KTN1: variants seen among roughly 807,000 people sequenced by gnomAD.
KTN1 encodes the protein kinectin.
In KTN1, 130 loss-of-function variants were observed where a neutral mutation model predicts 222.5. That is an observed-to-expected ratio of 0.58 (90% CI 0.51 to 0.68). KTN1 has a LOEUF of 0.68. Ranked by LOEUF, KTN1 falls within the 30% of genes least tolerant of loss-of-function variation. The pLI is 0.00. For missense variants in KTN1, 1,508 were observed against 1,500.4 expected (o/e 1.01, Z -0.08); for synonymous variants, 512 against 496.3 (o/e 1.03, Z -0.42).
intron 7 of KTN1, 122 bp from the exon 8 acceptor site, chr14:55,633,110 GAGA>G (rs2040721535): frequency 4.3e-6 from 2 of 467,600 alleles, no homozygotes; most frequent in East Asian, 3.5e-5. Context: ...ATATTTATTT[GAGA>G]AGAATGATTC....
chr14:55,608,516 T>G (rs1023352580), intron 1 of KTN1, among the ~76,000 whole-genome samples: 1 of 152,212 alleles, frequency 6.6e-6, no homozygotes, highest in Admixed American at 6.5e-5. Flanking sequence ...TAACAAAGTT[T>G]TAGTGTTCAT....
intron 32 of KTN1, 177 bp from the exon 33 acceptor site, chr14:55,663,778 T>A: frequency 1.9e-6 from 1 of 532,562 alleles, no homozygotes; most frequent in Middle Eastern, 5.0e-4. Flanking sequence ...CGTCTTTATT[T>A]TCTCATTCAA....
chr14:55,609,078 T>TTTA (rs2037170041), intron 1 of KTN1, among the ~76,000 whole-genome samples: 1 of 151,496 alleles, frequency 6.6e-6, no homozygotes, highest in Admixed American at 6.6e-5. Context: ...AACGTGCAGG[T>TTTA]TTATTACATA....
In KTN1 at chr14:55,636,436, T is replaced by C. The variant is rs755884816; in HGVS notation, c.1462-13T>C. ...TGTGCTAATTTATCCTTTCTCCCTT[T>C]TAAAATACCAAGGTTCAACTACAAG... On this transcript the variant is annotated splice_polypyrimidine_tract_variant and intron_variant, in intron 9 of 43. Coordinates refer to ENST00000395314, the MANE Select transcript of KTN1 (RefSeq NM_001079521.2). 1 of 1,595,428 alleles carries C rather than the reference T, an allele frequency of 6.3e-7. No homozygotes were observed. Among genetic ancestry groups the C allele is most frequent in the South Asian group, 1.1e-5 (1 of 88,644 alleles).
Position 55,640,941 on chromosome 14 carries a change from T to A in KTN1, c.1992T>A (p.Ala664=), listed in dbSNP as rs1379189488. 6.8e-6 allele frequency: 11 copies of A among 1,612,260 alleles called. 1 individual carries two copies. In the Middle Eastern group the frequency reaches 6.7e-4, roughly 98 times the overall value. Residue 664 remains alanine (A), a synonymous_variant, in exon 16 of 44, where the codon GCT becomes GCA. Coordinates refer to ENST00000395314, the MANE Select transcript of KTN1 (RefSeq NM_001079521.2). ...LQALANEQAA[A]AHELEKMQQS... is the part of the protein sequence containing the mutation. ...TCTCATTCCACACACAGGCTGCTGCTGCACATGAATTGGAGAAGATGCAAC... is the reference window on the plus strand; with the variant it reads ...TCTCATTCCACACACAGGCTGCTGCAGCACATGAATTGGAGAAGATGCAAC...
chr14:55,679,673 T>G lies in KTN1; in HGVS notation c.4057T>G (p.Tyr1353Asp). ...ACAGCTCACAAAGGAGAAAGAGCACTACCAGGTGTTAGGTAAGGACAACTG... is the reference window on the plus strand; with the variant it reads ...ACAGCTCACAAAGGAGAAAGAGCACGACCAGGTGTTAGGTAAGGACAACTG... ...NQQLTKEKEHYQVLE is the reference protein window; with the variant it reads ...NQQLTKEKEHDQVLE The change falls in exon 43 of 44, where the codon TAC (tyrosine) becomes GAC (aspartate). Residue 1353 changes from tyrosine to aspartate, a missense_variant. By Grantham distance (160) the Tyr-to-Asp change is radical. Coordinates refer to ENST00000395314, the MANE Select transcript of KTN1 (RefSeq NM_001079521.2). 1 of 1,613,898 alleles carries G rather than the reference T, an allele frequency of 6.2e-7. No individual in the cohort carries two copies. The highest frequency in any genetic ancestry group is 8.5e-7 in the Non-Finnish European group (1 of 1,179,846).
Position 55,619,200 on chromosome 14 carries a change from TTAAAG to T in KTN1, c.852_856del (p.Phe284LeufsTer13). 1 of 1,606,996 alleles carries T rather than the reference TTAAAG, an allele frequency of 6.2e-7. No individual in the cohort carries two copies. Among genetic ancestry groups the T allele is most frequent in the Non-Finnish European group, 8.5e-7 (1 of 1,174,822 alleles). ...AATTAAGAAAATGCTGAAGTGAAGT[TTAAAG>T]ATTTTCTTCTGTCCTTGAAGACTAT... On this transcript the variant is annotated frameshift_variant, in exon 5 of 44. Coordinates refer to ENST00000395314, the MANE Select transcript of KTN1 (RefSeq NM_001079521.2). LOFTEE classifies it high-confidence loss of function.
intron 29 of KTN1, 32 bp downstream of exon 29, chr14:55,656,164 G>A (rs1441337064): frequency 1.4e-6 from 2 of 1,389,394 alleles, no homozygotes; most frequent in Admixed American, 1.9e-5. Context: ...TAATTATTTT[G>A]TAAATTATTG....
At position 55,658,612 on chromosome 14, in the gene KTN1, C is replaced by G; in HGVS notation, c.2959C>G (p.Gln987Glu). The change falls in exon 30 of 44, where the codon CAG becomes GAG. Residue 987 changes from glutamine (Q) to glutamate (E), a missense_variant and splice_region_variant. By Grantham distance (29) the Gln-to-Glu change is conservative. Transcript: ENST00000395314. The stretch of plus-strand genomic sequence containing the variant: ...GCAGCTTAAACAACAAAACTACCAA[C>G]AGGTAGGTATTATTAGATGTCTTGC... ...IEQLKQQNYQ[Q>E]ASSFPPHEEL... 2 of 1,596,842 alleles carry G rather than the reference C, an allele frequency of 1.3e-6. No individual in the cohort carries two copies. Among genetic ancestry groups the G allele is most frequent in the South Asian group, 2.2e-5 (2 of 89,724 alleles).
At chr14:55,608,062 T>C (rs2037002070) in intron 1 of KTN1, among the ~76,000 whole-genome samples, 1 of 152,226 alleles carries the variant, frequency 6.6e-6, no homozygotes, top group Admixed American at 6.5e-5. Context: ...TACTGTGGAC[T>C]TAGAAAATTT....
At chr14:55,610,345 T>C (rs1230722307) in intron 1 of KTN1, among the ~76,000 whole-genome samples, 1 of 151,178 alleles carries the variant, frequency 6.6e-6, no homozygotes, top group African/African-American at 2.4e-5. Flanking sequence ...GTATTTTCAG[T>C]AACAATTGGT....
chr14:55,647,199 A>C (rs17684916), intron 19 of KTN1, among the ~76,000 whole-genome samples, 192 bp downstream of exon 19: 51,191 of 152,024 alleles, frequency 0.34, 8,643 homozygotes, highest in South Asian at 0.38. Flanking sequence ...AGCATATAAG[A>C]ATGAATTACT....
intron 4 of KTN1, 49 bp from the exon 5 acceptor site, chr14:55,619,133 G>A: frequency 6.8e-7 from 1 of 1,474,750 alleles, no homozygotes; most frequent in East Asian, 2.3e-5. Flanking sequence ...GTTATTATTT[G>A]TGTTTTTTAA....
At chr14:55,679,535 A>T in intron 42 of KTN1, 30 bp from the exon 43 acceptor site, 1 of 1,573,166 alleles carries the variant, frequency 6.4e-7, no homozygotes, top group Non-Finnish European at 8.7e-7. Flanking sequence ...TTGTGTATGG[A>T]GTTTATCATC....
At chr14:55,637,102 G>C in intron 10 of KTN1, 96 bp from the exon 11 acceptor site, 1 of 838,726 alleles carries the variant, frequency 1.2e-6, no homozygotes, top group South Asian at 2.2e-5. Flanking sequence ...GAGATTCAAA[G>C]AAGGTTTTCT....
At chr14:55,608,284 A>G (rs1418546429) in intron 1 of KTN1, among the ~76,000 whole-genome samples, 1 of 151,984 alleles carries the variant, frequency 6.6e-6, no homozygotes, top group Non-Finnish European at 1.5e-5. Flanking sequence ...AGGTATATTT[A>G]TTGGTATTGT....
intron 18 of KTN1, chr14:55,644,470 G>A: frequency 2.9e-6 from 2 of 695,270 alleles, no homozygotes; most frequent in South Asian, 3.0e-5. Context: ...ATACCCTAAA[G>A]GAGGGAAGGC....
intron 2 of KTN1, among the ~76,000 whole-genome samples, chr14:55,612,803 A>G (rs2140632120): frequency 6.6e-6 from 1 of 152,216 alleles, no homozygotes; most frequent in African/African-American, 2.4e-5. Flanking sequence ...CTGTAATCCT[A>G]GCACATTGGG....
At chr14:55,611,982 T>A in intron 1 of KTN1, 37 bp from the exon 2 acceptor site, 3 of 218,440 alleles carry the variant, frequency 1.4e-5, no homozygotes, top group Non-Finnish European at 2.3e-5. Flanking sequence ...TGACAGGTTC[T>A]TTTTTTTTTT....
Sources: gnomAD v4.1 joint callset for allele counts (sites outside exome capture counted in the v4.1 genomes callset) on GRCh38, gnomAD v4.1.1 for gene constraint, MANE v1.5 for transcripts, NCBI Gene and HGNC (gene_info 2026-07-23, HGNC 2026-07-21) for gene names.